The following HIVEP2 variants were observed in gnomAD, a reference collection of about 807,000 sequenced individuals.
HIVEP2 encodes transcription factor HIVEP2.
A neutral mutation model predicts 180.7 loss-of-function variants in HIVEP2; 14 were observed. That is an observed-to-expected ratio of 0.08 (90% CI 0.05 to 0.12). The LOEUF is 0.12. Among genes scored for constraint, HIVEP2 ranks in the 10% least tolerant of loss-of-function variants. The pLI is 1.00. For synonymous variants in HIVEP2, 1,184 were observed against 1,136.4 expected, an observed-to-expected ratio of 1.04 and a Z score of -0.84; for missense variants, 2,579 against 3,008.5, an observed-to-expected ratio of 0.86 and a Z score of 3.34.
chr6:142,765,076 C>G, intron 6 of HIVEP2, 102 bp from the exon 7 acceptor site: 2 of 1,030,604 alleles, frequency 1.9e-6, no homozygotes, highest in Non-Finnish European at 2.8e-6. Context: ...TTATGAGGGT[C>G]TTTTGCAGAC....
chr6:142,819,886 C>T (rs758524071), intron 2 of HIVEP2, among the ~76,000 whole-genome samples: 3 of 152,136 alleles, frequency 2.0e-5, no homozygotes, highest in Admixed American at 6.6e-5. Flanking sequence ...CATCCATGTC[C>T]GTGCAATAAA....
At chr6:142,862,138 C>A (rs1775993553) in intron 1 of HIVEP2, among the ~76,000 whole-genome samples, 1 of 152,106 alleles carries the variant, frequency 6.6e-6, no homozygotes. Context: ...CCTGCATTCT[C>A]TTTTTACACT....
At chr6:142,765,027 T>C (rs1467051725) in intron 6 of HIVEP2, 53 bp from the exon 7 acceptor site, 6 of 1,501,912 alleles carry the variant, frequency 4.0e-6, no homozygotes, top group African/African-American at 1.4e-5. Context: ...TAGCATGCTA[T>C]ATATTAAAGC....
intron 1 of HIVEP2, among the ~76,000 whole-genome samples, chr6:142,879,205 C>G (rs1053034322): frequency 2.0e-5 from 3 of 152,006 alleles, no homozygotes; most frequent in Admixed American, 1.3e-4. Context: ...TCACAGTAAC[C>G]TATTAAACGT....
intron 3 of HIVEP2, among the ~76,000 whole-genome samples, chr6:142,778,523 T>A (rs1483642155): frequency 1.3e-5 from 2 of 152,344 alleles, no homozygotes; most frequent in East Asian, 3.9e-4. Context: ...TCAGATTTAA[T>A]ATTTTATCAT....
At chr6:142,921,363 T>C (rs930999482) in intron 1 of HIVEP2, among the ~76,000 whole-genome samples, 11 of 152,200 alleles carry the variant, frequency 7.2e-5, no homozygotes, top group Non-Finnish European at 1.5e-4. Flanking sequence ...TGGCGAAACC[T>C]GTCTCTATTA....
intron 9 of HIVEP2, 141 bp downstream of exon 9, chr6:142,759,631 G>A: frequency 1.5e-6 from 1 of 685,096 alleles, no homozygotes; most frequent in Admixed American, 2.6e-5. Context: ...TGACAAAAAT[G>A]TCTCCCCGCT....
rs756722757 is a variant in HIVEP2 at position 142,772,351 on chromosome 6, T to C, written c.2388A>G (p.Gly796=). 1 of 1,614,226 alleles carries C rather than the reference T, an allele frequency of 6.2e-7. No individual in the cohort carries two copies. The highest frequency in any genetic ancestry group is 1.6e-4 in the Middle Eastern group (1 of 6,062). Residue 796 remains glycine, a synonymous_variant, in exon 5 of 10, where the codon GGA becomes GGG. Transcript: ENST00000367603. The surrounding 1 kb of genome is among the most constrained non-coding windows in gnomAD (Gnocchi z 4.9). ...MSDLGGRKPP[G]NVISVIQHTN... Reference sequence around the variant, plus strand: ...TGTGCTGAATCACAGAAATCACATTTCCAGGAGGTTTCCTGCCCCCTAGGT... The same window carrying C: ...TGTGCTGAATCACAGAAATCACATTCCCAGGAGGTTTCCTGCCCCCTAGGT...
intron 1 of HIVEP2, among the ~76,000 whole-genome samples, chr6:142,885,511 C>T (rs1292548542): frequency 6.6e-6 from 1 of 152,034 alleles, no homozygotes; most frequent in Non-Finnish European, 1.5e-5. Flanking sequence ...GCCGTGGTTC[C>T]CATCAATCAT....
chr6:142,925,179 G>A (rs1777776963), intron 1 of HIVEP2, among the ~76,000 whole-genome samples: 1 of 151,906 alleles, frequency 6.6e-6, no homozygotes, highest in Non-Finnish European at 1.5e-5. Context: ...TTATTGTGAA[G>A]GAAAAAAGGG....
Position 142,772,138 on chromosome 6 carries a change from C to T in HIVEP2, c.2601G>A (p.Gln867=), listed in dbSNP as rs780891642. The change falls in exon 5 of 10, where the codon CAG becomes CAA. Residue 867 remains glutamine (Q), a synonymous_variant. Coordinates refer to ENST00000367603, the MANE Select transcript of HIVEP2 (RefSeq NM_006734.4). The surrounding 1 kb of genome is among the most constrained non-coding windows in gnomAD (Gnocchi z 4.9). ...TGTGATAGGACTGCTGCTGCACCTG[C>T]TGAGATGGAGAGGGTTTCCCCCCAC... ...AESGGKPSPS[Q]QVQQQSYHTQ... The T allele has an allele frequency of 2.9e-5, 47 of 1,614,092 alleles. No homozygotes were observed. The highest frequency in any genetic ancestry group is 3.7e-5 in the Non-Finnish European group (44 of 1,180,054).
intron 1 of HIVEP2, among the ~76,000 whole-genome samples, chr6:142,879,800 G>A (rs185491741): frequency 5.9e-5 from 9 of 152,038 alleles, no homozygotes; most frequent in Non-Finnish European, 2.9e-5. Flanking sequence ...TCCCATGCCC[G>A]TCTCCAAACA....
At chr6:142,889,196 T>C (rs1424185429) in intron 1 of HIVEP2, among the ~76,000 whole-genome samples, 1 of 152,016 alleles carries the variant, frequency 6.6e-6, no homozygotes, top group Admixed American at 6.6e-5. Flanking sequence ...GATGTGGCCA[T>C]GCATGGTGGC....
chr6:142,783,704 C>A (rs755026951), intron 2 of HIVEP2, 89 bp from the exon 3 acceptor site: 7 of 151,722 alleles, frequency 4.6e-5, no homozygotes, highest in Admixed American at 6.6e-5. Flanking sequence ...ACAGAACCTG[C>A]CTTCCTTTAG....
In HIVEP2 at chr6:142,802,814, C is replaced by T. The variant is rs147327673; in HGVS notation, c.-527-19199G>A. ...GATAAAAATAATGTGATAGCTTCTA[C>T]TTGCTGTGCAATTTACTTTGGAATT... On this transcript the variant is annotated intron_variant, in intron 2 of 9. Coordinates refer to ENST00000367603, the MANE Select transcript of HIVEP2 (RefSeq NM_006734.4). 1.3e-3 allele frequency among the ~76,000 whole-genome samples: 193 copies of T among 152,272 alleles called. 1 individual carries two copies. Among genetic ancestry groups the T allele is most frequent in the African/African-American group, 4.2e-3 (173 of 41,560 alleles).
chr6:142,792,560 G>C (rs956485257), intron 2 of HIVEP2, among the ~76,000 whole-genome samples: 1 of 151,992 alleles, frequency 6.6e-6, no homozygotes, highest in Admixed American at 6.6e-5. Flanking sequence ...GGGCCTGTCG[G>C]GTGGTGGAGG....
intron 2 of HIVEP2, among the ~76,000 whole-genome samples, chr6:142,786,984 A>G (rs1181862075): frequency 6.6e-6 from 1 of 152,168 alleles, no homozygotes; most frequent in Non-Finnish European, 1.5e-5. Context: ...TAAAAACAAT[A>G]ATTATTGGCT....
intron 2 of HIVEP2, among the ~76,000 whole-genome samples, chr6:142,832,294 A>AT (rs1448475499): frequency 6.6e-6 from 1 of 152,018 alleles, no homozygotes; most frequent in African/African-American, 2.4e-5. Flanking sequence ...AATGTCTACT[A>AT]TTTTTTCAAT....
rs1775619792 is a variant in HIVEP2, at chr6:142,773,791, T to C, written c.948A>G (p.Glu316=). The C allele has an allele frequency of 1.2e-6, 2 of 1,613,906 alleles. No individual in the cohort carries two copies. Among genetic ancestry groups the C allele is most frequent in the Non-Finnish European group, 1.7e-6 (2 of 1,180,038 alleles). Residue 316 remains glutamate, a synonymous_variant, in exon 5 of 10, where the codon GAA becomes GAG. Coordinates refer to ENST00000367603, the MANE Select transcript of HIVEP2 (RefSeq NM_006734.4). Reference sequence around the variant, plus strand: ...CCTTCATTGGACCTCCCAATGATTCTTCCAATGACCCATGATAGCCGCCTC... The same window carrying C: ...CCTTCATTGGACCTCCCAATGATTCCTCCAATGACCCATGATAGCCGCCTC... The part of the protein sequence containing the change: ...ASRGGYHGSL[E]ESLGGPMKVP...
Sources: gnomAD v4.1 joint callset for allele counts (sites outside exome capture counted in the v4.1 genomes callset) on GRCh38, gnomAD v4.1.1 for gene constraint, Gnocchi (gnomAD v3.1) non-coding constraint, MANE v1.5 for transcripts, NCBI Gene and HGNC (gene_info 2026-07-23, HGNC 2026-07-21) for gene names.